The following PRKD1 variants were observed in gnomAD, a reference collection of about 807,000 sequenced individuals.
PRKD1 encodes the protein serine/threonine-protein kinase D1.
A neutral mutation model predicts 95.9 loss-of-function variants in PRKD1; 63 were observed. The observed-to-expected ratio is 0.66, with a 90% CI of 0.54 to 0.81. The LOEUF is 0.81. Ranked by LOEUF, PRKD1 falls within the 30% of genes least tolerant of loss-of-function variation. The pLI is 0.00. For missense variants in PRKD1, 1,048 were observed against 1,165.3 expected, an observed-to-expected ratio of 0.90 and a Z score of 1.47; for synonymous variants, 425 against 423.1, an observed-to-expected ratio of 1.00 and a Z score of -0.05.
intron 13 of PRKD1, 95 bp from the exon 14 acceptor site, chr14:29,599,912 A>G: frequency 8.9e-7 from 1 of 1,128,668 alleles, no homozygotes; most frequent in South Asian, 1.9e-5. Context: ...GCTTAGAGCT[A>G]TAGAGAAACC....
intron 1 of PRKD1, among the ~76,000 whole-genome samples, chr14:29,793,987 C>T (rs1012480968): frequency 3.3e-5 from 5 of 151,822 alleles, no homozygotes; most frequent in South Asian, 2.1e-4. Context: ...TTACTGTGGC[C>T]GTTTTAAATC....
chr14:29,815,049 G>A (rs377149022), intron 1 of PRKD1, among the ~76,000 whole-genome samples: 90 of 152,078 alleles, frequency 5.9e-4, no homozygotes, highest in African/African-American at 2.1e-3. Flanking sequence ...AATCAACTGC[G>A]GCTCCAAGTG....
chr14:29,617,919 A>G (rs1054624476), intron 13 of PRKD1, among the ~76,000 whole-genome samples: 5 of 151,684 alleles, frequency 3.3e-5, no homozygotes, highest in African/African-American at 1.2e-4. Context: ...ATAAAAAAAA[A>G]AGTTAGCCAA....
intron 16 of PRKD1, among the ~76,000 whole-genome samples, chr14:29,593,026 C>T (rs1425683464): frequency 6.6e-5 from 10 of 152,058 alleles, no homozygotes; most frequent in Admixed American, 3.3e-4. Context: ...TACCCTGGCC[C>T]CACCTAGACA....
intron 1 of PRKD1, among the ~76,000 whole-genome samples, chr14:29,874,782 A>G (rs911066321): frequency 6.6e-6 from 1 of 152,190 alleles, no homozygotes; most frequent in Admixed American, 6.5e-5. Context: ...GAGTTTTTTA[A>G]AAAATTGATC....
intron 2 of PRKD1, among the ~76,000 whole-genome samples, chr14:29,685,921 T>C (rs950488694): frequency 6.6e-6 from 1 of 152,206 alleles, no homozygotes; most frequent in Admixed American, 6.5e-5. Context: ...GTAAGACAGA[T>C]TCTCATTTTG....
chr14:29,854,754 G>GA (rs1216591185), intron 1 of PRKD1, among the ~76,000 whole-genome samples: 1 of 152,114 alleles, frequency 6.6e-6, no homozygotes, highest in Admixed American at 6.5e-5. Flanking sequence ...AGGCCTAGGA[G>GA]AAAAAAAGTG....
intron 1 of PRKD1, among the ~76,000 whole-genome samples, chr14:29,822,548 G>C (rs983795409): frequency 6.6e-6 from 1 of 152,160 alleles, no homozygotes; most frequent in Non-Finnish European, 1.5e-5. Flanking sequence ...TCCTGTAAGA[G>C]AGACAGCACT....
intron 1 of PRKD1, among the ~76,000 whole-genome samples, chr14:29,727,437 G>T (rs549515038): frequency 6.6e-6 from 1 of 151,576 alleles, no homozygotes; most frequent in Non-Finnish European, 1.5e-5. Flanking sequence ...TGTTGCCATT[G>T]CTTTTGGTGT....
intron 1 of PRKD1, among the ~76,000 whole-genome samples, chr14:29,737,998 CAACAAAA>C (rs1886808401): frequency 6.6e-6 from 1 of 151,946 alleles, no homozygotes; most frequent in African/African-American, 2.4e-5. Context: ...ATAGTTGTAA[CAACAAAA>C]AATGTATGGG....
chr14:29,792,644 G>A (rs1889597773), intron 1 of PRKD1, among the ~76,000 whole-genome samples: 2 of 151,972 alleles, frequency 1.3e-5, no homozygotes, highest in African/African-American at 4.8e-5. Flanking sequence ...CAGTGACAGC[G>A]GCAGTCAGGA....
chr14:29,693,562 T>A (rs1422467740), intron 2 of PRKD1, among the ~76,000 whole-genome samples: 6 of 149,060 alleles, frequency 4.0e-5, no homozygotes, highest in African/African-American at 1.5e-4. Context: ...CTTGATATAA[T>A]CAATTCTGAA....
chr14:29,583,540 T>C (rs1892816309), intron 16 of PRKD1, among the ~76,000 whole-genome samples: 1 of 152,188 alleles, frequency 6.6e-6, no homozygotes. Context: ...TCATTTATTC[T>C]GGGGGGTGAG....
intron 2 of PRKD1, among the ~76,000 whole-genome samples, chr14:29,713,393 C>T (rs973045928): frequency 5.9e-5 from 9 of 152,110 alleles, no homozygotes; most frequent in African/African-American, 1.9e-4. Flanking sequence ...AAGGAATCTA[C>T]CAAAGAAAGA....
At chr14:29,668,036 TCTC>T (rs1882622534) in intron 2 of PRKD1, among the ~76,000 whole-genome samples, 1 of 152,134 alleles carries the variant, frequency 6.6e-6, no homozygotes, top group South Asian at 2.1e-4. Context: ...ATTTTAATAT[TCTC>T]CTGTTAATTT....
Position 29,577,243 on chromosome 14 carries a change from G to A in PRKD1, c.2734C>T (p.Leu912Phe), listed in dbSNP as rs1385886918. ...CAGATTATAGGAGATGGAACTCAGA[G>A]GATGCTGACACGCTCACCGAGGGCT... ...MKALGERVSI[L>F] The change falls in exon 18 of 18, where the codon CTC becomes TTC. Residue 912 changes from leucine (L) to phenylalanine (F), a missense_variant. Leu to Phe is a conservative substitution (Grantham distance 22). Around this residue, in one of 3 missense-constraint regions of PRKD1, gnomAD observed 739 missense variants for 861.9 expected, o/e 0.86. Coordinates refer to ENST00000331968, the MANE Select transcript of PRKD1 (RefSeq NM_002742.3). 3 of 1,611,342 alleles carry A rather than the reference G, an allele frequency of 1.9e-6. No individual in the cohort carries two copies. The highest frequency in any genetic ancestry group is 2.5e-6 in the Non-Finnish European group (3 of 1,178,082).
intron 1 of PRKD1, among the ~76,000 whole-genome samples, chr14:29,922,340 A>C (rs1174740507): frequency 6.6e-6 from 1 of 151,764 alleles, no homozygotes; most frequent in Non-Finnish European, 1.5e-5. Flanking sequence ...AAAAAGAAAA[A>C]TGTAAAGCAG....
At chr14:29,770,177 T>C (rs1056774363) in intron 1 of PRKD1, among the ~76,000 whole-genome samples, 8 of 152,234 alleles carry the variant, frequency 5.3e-5, no homozygotes, top group Non-Finnish European at 2.9e-5. Flanking sequence ...TGTAAGAGAA[T>C]AAATCTCTGC....
At chr14:29,870,742 T>C (rs1893074186) in intron 1 of PRKD1, among the ~76,000 whole-genome samples, 1 of 152,226 alleles carries the variant, frequency 6.6e-6, no homozygotes, top group Non-Finnish European at 1.5e-5. Flanking sequence ...GTGTCTATTA[T>C]ATGGTTATAA....
Sources: allele counts gnomAD v4.1 joint callset (sites outside exome capture counted in the v4.1 genomes callset), GRCh38; gene constraint gnomAD v4.1.1; regional missense constraint gnomAD v4.1.1; transcripts MANE v1.5; gene names NCBI Gene and HGNC (gene_info 2026-07-23, HGNC 2026-07-21).